MEIKIN: variants seen among roughly 807,000 people sequenced by gnomAD.
The protein encoded by MEIKIN is meiotic kinetochore factor.
chr5:131,872,835 G>A (rs1750531602), intron 9 of MEIKIN, among the ~76,000 whole-genome samples: 1 of 152,180 alleles, frequency 6.6e-6, no homozygotes, highest in African/African-American at 2.4e-5. Flanking sequence ...GAGAGTGGGG[G>A]CCAATATTCA....
intron 6 of MEIKIN, among the ~76,000 whole-genome samples, chr5:131,917,983 T>C (rs1056696837): frequency 2.6e-5 from 4 of 152,180 alleles, no homozygotes; most frequent in African/African-American, 9.7e-5. Context: ...CTCAATGCTG[T>C]GAGAGCCCTG....
intron 9 of MEIKIN, among the ~76,000 whole-genome samples, chr5:131,864,923 T>C (rs566309832): frequency 6.6e-6 from 1 of 152,320 alleles, no homozygotes; most frequent in South Asian, 2.1e-4. Flanking sequence ...ATTTTTTCTT[T>C]ATTTTTGCCT....
intron 5 of MEIKIN, among the ~76,000 whole-genome samples, chr5:131,923,272 G>C (rs1043551646): frequency 1.3e-5 from 2 of 152,106 alleles, no homozygotes; most frequent in African/African-American, 4.8e-5. Flanking sequence ...AGGTGTTTTA[G>C]AATTTCTAAT....
At chr5:131,922,046 T>C in intron 5 of MEIKIN, 105 bp from the exon 6 acceptor site, 1 of 394,526 alleles carries the variant, frequency 2.5e-6, no homozygotes, top group Non-Finnish European at 4.5e-6. Context: ...TAAATGATGG[T>C]ATTATATTTG....
intron 11 of MEIKIN, among the ~76,000 whole-genome samples, chr5:131,848,615 A>G (rs926188955): frequency 2.0e-5 from 3 of 152,192 alleles, no homozygotes; most frequent in Non-Finnish European, 4.4e-5. Context: ...ACTAAAACCA[A>G]TACTTCTCTA....
intron 8 of MEIKIN, among the ~76,000 whole-genome samples, chr5:131,907,722 A>C (rs1164087946): frequency 6.6e-6 from 1 of 151,558 alleles, no homozygotes; most frequent in Non-Finnish European, 1.5e-5. Flanking sequence ...AAATACAAAA[A>C]TTAGCCGGGC....
intron 9 of MEIKIN, chr5:131,878,773 G>A: frequency 2.9e-6 from 1 of 349,630 alleles, no homozygotes; most frequent in Non-Finnish European, 5.1e-6. Flanking sequence ...TACTCAGGGG[G>A]TTGAAACAGG....
At chr5:131,874,172 C>T (rs1239638294) in intron 9 of MEIKIN, among the ~76,000 whole-genome samples, 1 of 151,878 alleles carries the variant, frequency 6.6e-6, no homozygotes, top group Non-Finnish European at 1.5e-5. Flanking sequence ...AATAGAGACA[C>T]AAAAAAACCC....
chr5:131,868,470 T>A (rs1165862260), intron 9 of MEIKIN, among the ~76,000 whole-genome samples: 1 of 152,198 alleles, frequency 6.6e-6, no homozygotes, highest in East Asian at 1.9e-4. Context: ...CTTTTGTATA[T>A]CTTCTTTAGT....
chr5:131,829,328 G>C (rs915685427), intron 11 of MEIKIN, among the ~76,000 whole-genome samples: 1 of 152,160 alleles, frequency 6.6e-6, no homozygotes, highest in Admixed American at 6.5e-5. Flanking sequence ...CCTTTCATAG[G>C]AAGCCAATGG....
intron 10 of MEIKIN, among the ~76,000 whole-genome samples, chr5:131,854,038 C>CA (rs1195133945): frequency 1.3e-5 from 2 of 152,172 alleles, no homozygotes; most frequent in African/African-American, 4.8e-5. Context: ...TATATTTGTA[C>CA]ACCCATGTTC....
At chr5:131,830,633 G>A (rs1008642499) in intron 11 of MEIKIN, among the ~76,000 whole-genome samples, 1 of 152,156 alleles carries the variant, frequency 6.6e-6, no homozygotes, top group Non-Finnish European at 1.5e-5. Context: ...GCCAATTATA[G>A]TTTACCATTT....
chr5:131,824,449 G>C (rs955714047), intron 11 of MEIKIN, among the ~76,000 whole-genome samples: 2 of 152,054 alleles, frequency 1.3e-5, no homozygotes, highest in African/African-American at 4.8e-5. Context: ...GAGCCCAAGA[G>C]TTGAAGGTTA....
At chr5:131,815,231 T>C (rs1201964848) in intron 12 of MEIKIN, among the ~76,000 whole-genome samples, 1 of 152,220 alleles carries the variant, frequency 6.6e-6, no homozygotes, top group Admixed American at 6.5e-5. Context: ...CTTATCATGC[T>C]AAAGAAGCTG....
chr5:131,904,837 T>C (rs888701833), intron 8 of MEIKIN, among the ~76,000 whole-genome samples: 9 of 152,192 alleles, frequency 5.9e-5, no homozygotes, highest in African/African-American at 2.2e-4. Flanking sequence ...TCATGTCCTT[T>C]GCAGGGACAT....
At chr5:131,932,468 C>T (rs891953422) in intron 5 of MEIKIN, among the ~76,000 whole-genome samples, 1 of 152,194 alleles carries the variant, frequency 6.6e-6, no homozygotes, top group African/African-American at 2.4e-5. Context: ...AGGGTCCATT[C>T]TCATGATAAT....
chr5:131,889,163 C>T (rs1252060139), intron 8 of MEIKIN, among the ~76,000 whole-genome samples: 1 of 152,088 alleles, frequency 6.6e-6, no homozygotes, highest in Non-Finnish European at 1.5e-5. Flanking sequence ...CAGCTTTGTT[C>T]TTTTGGCTTA....
At chr5:131,931,112 C>T (rs1408369102) in intron 5 of MEIKIN, among the ~76,000 whole-genome samples, 1 of 152,180 alleles carries the variant, frequency 6.6e-6, no homozygotes, top group Non-Finnish European at 1.5e-5. Flanking sequence ...GTACAGAAGA[C>T]CCTTATGAAT....
intron 11 of MEIKIN, among the ~76,000 whole-genome samples, chr5:131,849,192 G>A (rs1580871274): frequency 6.6e-6 from 1 of 152,156 alleles, no homozygotes; most frequent in Non-Finnish European, 1.5e-5. Flanking sequence ...CTTCACAGGG[G>A]TGGTCCCCAA....
Sources: gnomAD v4.1 joint callset for allele counts (sites outside exome capture counted in the v4.1 genomes callset) on GRCh38, gnomAD v4.1.1 for gene constraint, MANE v1.5 for transcripts, NCBI Gene and HGNC (gene_info 2026-07-23, HGNC 2026-07-21) for gene names.